Variants in ELF1 observed in about 807,000 individuals in gnomAD.
ELF1 encodes the protein ETS-related transcription factor Elf-1.
In ELF1, 24 loss-of-function variants were observed where a neutral mutation model predicts 59.9. That is an observed-to-expected ratio of 0.40 (90% confidence interval 0.29 to 0.56). ELF1 has a LOEUF of 0.56. Ranked by LOEUF, ELF1 falls within the 20% of genes least tolerant of loss-of-function variation. The probability of loss-of-function intolerance (pLI) is 0.44; values close to 1 mark genes in which losing one functional copy is unlikely to be tolerated. For missense variants in ELF1, 627 were observed against 742.2 expected (o/e 0.84, Z 1.80); for synonymous variants, 248 against 266.2 (o/e 0.93, Z 0.67).
Position 41,025,408 on chromosome 13 carries a change from C to T in ELF1, c.-229+35430G>A, listed in dbSNP as rs548901799. Among the ~76,000 whole-genome samples the T allele has an allele frequency of 1.6e-3, 237 of 152,186 alleles. 1 individual carries two copies. Among genetic ancestry groups the T allele is most frequent in the Non-Finnish European group, 2.2e-3 (151 of 68,050 alleles). Reference sequence around the variant, plus strand: ...CTGGTTATCGCAGAACTGAAAGAGACCTTAGAGACACTTTATCCAGTCCAG... The same window carrying T: ...CTGGTTATCGCAGAACTGAAAGAGATCTTAGAGACACTTTATCCAGTCCAG... On this transcript the variant is annotated intron_variant, in intron 1 of 1. Transcript: ENST00000405737.
At chr13:40,996,748 T>A (rs993382905) in intron 1 of ELF1, among the ~76,000 whole-genome samples, 1 of 152,040 alleles carries the variant, frequency 6.6e-6, no homozygotes, top group African/African-American at 2.4e-5. Context: ...TCAATTTTAC[T>A]GTGAATCTAA....
chr13:41,054,414 GCAGTCTCA>G (rs1877213361), intron 1 of ELF1, among the ~76,000 whole-genome samples: 1 of 152,126 alleles, frequency 6.6e-6, no homozygotes. Flanking sequence ...CCACAGGGTG[GCAGTCTCA>G]CAGTATTAAC....
chr13:41,022,242 CTGAATT>C (rs1462916962), upstream of ELF1, among the ~76,000 whole-genome samples: 69 of 152,280 alleles, frequency 4.5e-4, no homozygotes, highest in African/African-American at 1.7e-3. Flanking sequence ...CAAAAAAGGT[CTGAATT>C]TCTGATATAT....
At chr13:41,048,078 G>A (rs139485965) in intron 1 of ELF1, among the ~76,000 whole-genome samples, 1,743 of 152,316 alleles carry the variant, frequency 0.011, 14 homozygotes, top group Non-Finnish European at 0.02. Context: ...CTCCAAGCCA[G>A]GTACAGGATA....
chr13:40,952,978 C>T (rs1268066577), intron 3 of ELF1, among the ~76,000 whole-genome samples: 6 of 142,072 alleles, frequency 4.2e-5, no homozygotes, highest in East Asian at 2.0e-4. Flanking sequence ...AACAATAAAT[C>T]TTTTTTTTTT....
intron 3 of ELF1, 121 bp from the exon 4 acceptor site, chr13:40,951,557 ATAAAC>A: frequency 1.7e-6 from 1 of 585,738 alleles, no homozygotes; most frequent in Non-Finnish European, 2.7e-6. Context: ...ATATATATAT[ATAAAC>A]TATAAACACA....
chr13:41,026,267 G>A (rs967906164), intron 1 of ELF1, among the ~76,000 whole-genome samples: 1 of 152,144 alleles, frequency 6.6e-6, no homozygotes, highest in Non-Finnish European at 1.5e-5. Flanking sequence ...TAGGGTAAAG[G>A]ATAAATTGTT....
intron 2 of ELF1, among the ~76,000 whole-genome samples, chr13:40,971,304 C>A (rs2061741205): frequency 6.6e-6 from 1 of 152,108 alleles, no homozygotes; most frequent in Non-Finnish European, 1.5e-5. Flanking sequence ...GTCACCCAGG[C>A]TACAGTGCAG....
chr13:41,010,464 C>T (rs1275041261), intron 1 of ELF1, among the ~76,000 whole-genome samples: 2 of 143,874 alleles, frequency 1.4e-5, no homozygotes, highest in Non-Finnish European at 3.0e-5. Context: ...CCCCACCCCC[C>T]CAAAAAAATA....
chr13:40,956,880 C>A (rs1424819503), intron 3 of ELF1, among the ~76,000 whole-genome samples: 1 of 151,386 alleles, frequency 6.6e-6, no homozygotes, highest in African/African-American at 2.4e-5. Context: ...GTAGTAGAAA[C>A]AGGATTTCAC....
chr13:40,970,186 A>C lies in ELF1; in HGVS notation c.73-11170T>G, dbSNP rs374123913. Reference sequence around the variant, plus strand: ...AAATCAAGTGTCGTCAAGATTAATGAGGAAATTAACGAACAGCTAAAAGAC... The same window carrying C: ...AAATCAAGTGTCGTCAAGATTAATGCGGAAATTAACGAACAGCTAAAAGAC... On this transcript the variant is annotated intron_variant, in intron 2 of 8. Coordinates refer to ENST00000239882, the MANE Select transcript of ELF1 (RefSeq NM_172373.4). Among the ~76,000 whole-genome samples the C allele has an allele frequency of 3.9e-5, 6 of 152,358 alleles. No individual in the cohort carries two copies. The East Asian group carries it at 1.2e-3, about 29-fold the overall frequency.
At chr13:41,052,178 G>T (rs955971162) in intron 1 of ELF1, among the ~76,000 whole-genome samples, 3 of 152,074 alleles carry the variant, frequency 2.0e-5, no homozygotes, top group Non-Finnish European at 2.9e-5. Context: ...GACCTCAAGT[G>T]ATCTGCCCAC....
intron 2 of ELF1, among the ~76,000 whole-genome samples, chr13:40,972,046 GGTAA>G (rs1394858462): frequency 1.3e-5 from 2 of 152,130 alleles, no homozygotes; most frequent in Admixed American, 1.3e-4. Flanking sequence ...CTACCAGACA[GGTAA>G]GTGTTTTAAA....
intron 1 of ELF1, among the ~76,000 whole-genome samples, chr13:41,045,402 T>C (rs1387626090): frequency 6.6e-6 from 1 of 152,250 alleles, no homozygotes; most frequent in East Asian, 1.9e-4. Context: ...TTTTAGATCT[T>C]TCCCGCTTTC....
intron 3 of ELF1, among the ~76,000 whole-genome samples, chr13:40,953,978 A>C (rs1432789567): frequency 2.6e-5 from 4 of 152,192 alleles, no homozygotes; most frequent in African/African-American, 7.2e-5. Context: ...TCAACTTACA[A>C]AGACTGTAGC....
At chr13:40,970,053 T>A (rs1210474541) in intron 2 of ELF1, among the ~76,000 whole-genome samples, 1 of 152,206 alleles carries the variant, frequency 6.6e-6, no homozygotes, top group Non-Finnish European at 1.5e-5. Context: ...AAATCTACAT[T>A]ATTACCATTC....
At chr13:40,999,140 T>G (rs894352975) in intron 1 of ELF1, among the ~76,000 whole-genome samples, 1 of 152,258 alleles carries the variant, frequency 6.6e-6, no homozygotes, top group Admixed American at 6.5e-5. Flanking sequence ...GAATTTCCCT[T>G]AGGCTCAGCA....
chr13:41,040,417 A>G (rs1876558270), intron 1 of ELF1, among the ~76,000 whole-genome samples: 1 of 152,190 alleles, frequency 6.6e-6, no homozygotes, highest in Non-Finnish European at 1.5e-5. Context: ...TATATGCATG[A>G]TCTACATTTC....
At chr13:41,018,425 T>C (rs1440225611) in intron 1 of ELF1, among the ~76,000 whole-genome samples, 1 of 152,222 alleles carries the variant, frequency 6.6e-6, no homozygotes, top group African/African-American at 2.4e-5. Flanking sequence ...CATCACTTTT[T>C]CTTTTTACAC....
Sources: gnomAD v4.1 joint callset for allele counts (sites outside exome capture counted in the v4.1 genomes callset) on GRCh38, gnomAD v4.1.1 for gene constraint, MANE v1.5 for transcripts, NCBI Gene and HGNC (gene_info 2026-07-23, HGNC 2026-07-21) for gene names.